SDK1: variants seen among roughly 807,000 people sequenced by gnomAD.
SDK1 encodes the protein protein sidekick-1.
A neutral mutation model predicts 245.5 loss-of-function variants in SDK1; 157 were observed. The observed-to-expected ratio is 0.64, with a 90% CI of 0.56 to 0.73. The LOEUF (loss-of-function observed/expected upper bound fraction) is 0.73. Ranked by LOEUF, SDK1 falls within the 30% of genes least tolerant of loss-of-function variation. The probability of loss-of-function intolerance (pLI) is 0.00; values close to 1 mark genes in which losing one functional copy is unlikely to be tolerated. For synonymous variants in SDK1, 1,647 were observed against 1,278.5 expected, an observed-to-expected ratio of 1.29 and a Z score of -6.15; for missense variants, 3,583 against 3,002.3, an observed-to-expected ratio of 1.19 and a Z score of -4.52.
intron 11 of SDK1, among the ~76,000 whole-genome samples, chr7:3,970,640 A>G (rs6462501): frequency 0.035 from 5,312 of 152,290 alleles, 333 homozygotes; most frequent in African/African-American, 0.12. Context: ...ATCTGCTGAG[A>G]TTCAACATTA....
At chr7:3,464,698 G>GTATATATATATATATATA (rs141577885) in intron 1 of SDK1, among the ~76,000 whole-genome samples, 25 of 148,100 alleles carry the variant, frequency 1.7e-4, no homozygotes, top group African/African-American at 6.3e-4. Flanking sequence ...GTGTATGTAT[G>GTATATATATATATATATA]TATATATATA....
At chr7:3,308,538 T>A (rs1244645021) in intron 1 of SDK1, among the ~76,000 whole-genome samples, 1 of 146,036 alleles carries the variant, frequency 6.8e-6, no homozygotes, top group African/African-American at 2.6e-5. Flanking sequence ...ATAGTCCAAT[T>A]TCTTGAAAAC....
chr7:3,906,689 A>C (rs1217530499), intron 5 of SDK1, among the ~76,000 whole-genome samples: 1 of 133,034 alleles, frequency 7.5e-6, no homozygotes, highest in Non-Finnish European at 1.5e-5. Context: ...GTGCAGTGGC[A>C]AGATCTCGGC....
intron 4 of SDK1, among the ~76,000 whole-genome samples, chr7:3,715,943 A>G (rs528195404): frequency 6.6e-6 from 1 of 152,322 alleles, no homozygotes; most frequent in Non-Finnish European, 1.5e-5. Context: ...TCAGCAAAGA[A>G]GAAGAAATTA....
At chr7:4,216,486 A>G (rs1258362669) in intron 38 of SDK1, among the ~76,000 whole-genome samples, 4 of 152,218 alleles carry the variant, frequency 2.6e-5, no homozygotes, top group Non-Finnish European at 5.9e-5. Flanking sequence ...TTGCATCAGG[A>G]TTCCCAACGG....
intron 28 of SDK1, among the ~76,000 whole-genome samples, chr7:4,145,352 G>A (rs888209410): frequency 1.3e-5 from 2 of 152,164 alleles, no homozygotes; most frequent in African/African-American, 2.4e-5. Flanking sequence ...AGAGAGCGAC[G>A]GGGAGAGCCA....
At chr7:4,120,158 T>G (rs748525006) in intron 25 of SDK1, among the ~76,000 whole-genome samples, 1 of 148,644 alleles carries the variant, frequency 6.7e-6, no homozygotes, top group Non-Finnish European at 1.5e-5. Context: ...GAATGAGATC[T>G]ACCACATAGC....
chr7:3,709,545 T>G (rs1784981465), intron 4 of SDK1, among the ~76,000 whole-genome samples: 1 of 152,236 alleles, frequency 6.6e-6, no homozygotes, highest in East Asian at 1.9e-4. Flanking sequence ...TGCAGCCTGC[T>G]GCTTCTTTCA....
At chr7:3,614,080 G>C (rs1013133489) in intron 1 of SDK1, among the ~76,000 whole-genome samples, 1 of 152,198 alleles carries the variant, frequency 6.6e-6, no homozygotes, top group South Asian at 2.1e-4. Flanking sequence ...CATAGCACAA[G>C]TTTACCTATG....
At chr7:3,530,898 G>T (rs1023831728) in intron 1 of SDK1, among the ~76,000 whole-genome samples, 3 of 152,132 alleles carry the variant, frequency 2.0e-5, no homozygotes, top group Non-Finnish European at 4.4e-5. Flanking sequence ...GTATCCATAG[G>T]TCAAGTCTAA....
At chr7:3,495,873 C>G (rs927836991) in intron 1 of SDK1, among the ~76,000 whole-genome samples, 1 of 152,216 alleles carries the variant, frequency 6.6e-6, no homozygotes, top group Non-Finnish European at 1.5e-5. Context: ...TGCCAGCGGT[C>G]TCCTGAGTTA....
chr7:3,578,806 C>T (rs1247651413), intron 1 of SDK1, among the ~76,000 whole-genome samples: 8 of 151,872 alleles, frequency 5.3e-5, no homozygotes, highest in Non-Finnish European at 1.2e-4. Context: ...CCTAAAATCG[C>T]TGTTATTCTG....
chr7:3,937,599 G>T (rs1214134857), intron 5 of SDK1, among the ~76,000 whole-genome samples: 1 of 152,190 alleles, frequency 6.6e-6, no homozygotes, highest in Non-Finnish European at 1.5e-5. Flanking sequence ...AAGAATCTTA[G>T]CCACTCTGCC....
chr7:3,405,905 C>G (rs571760097), intron 1 of SDK1, among the ~76,000 whole-genome samples: 5 of 151,382 alleles, frequency 3.3e-5, no homozygotes, highest in East Asian at 3.9e-4. Context: ...CTCTGCCTCC[C>G]AGGTTCAAGT....
At chr7:3,944,287 CTA>C (rs1272130350) in intron 5 of SDK1, among the ~76,000 whole-genome samples, 1 of 152,200 alleles carries the variant, frequency 6.6e-6, no homozygotes. Flanking sequence ...TGGGTTGTCA[CTA>C]TATTAAATGG....
intron 40 of SDK1, among the ~76,000 whole-genome samples, chr7:4,227,920 C>T (rs530410375): frequency 1.3e-5 from 2 of 152,238 alleles, no homozygotes; most frequent in Non-Finnish European, 2.9e-5. Context: ...TAACAGCTGA[C>T]TCATTCTGTC....
intron 1 of SDK1, among the ~76,000 whole-genome samples, chr7:3,523,943 T>C (rs550180487): frequency 6.6e-6 from 1 of 152,310 alleles, no homozygotes; most frequent in Admixed American, 6.5e-5. Context: ...ACTTGATGTC[T>C]GTACATTCTC....
At chr7:3,763,087 C>G (rs1307015106) in intron 4 of SDK1, among the ~76,000 whole-genome samples, 1 of 152,102 alleles carries the variant, frequency 6.6e-6, no homozygotes, top group African/African-American at 2.4e-5. Context: ...TTTGACACTT[C>G]ACTTAAAAAT....
At chr7:3,478,428 G>C (rs892330348) in intron 1 of SDK1, among the ~76,000 whole-genome samples, 3 of 151,890 alleles carry the variant, frequency 2.0e-5, no homozygotes, top group Non-Finnish European at 4.4e-5. Context: ...GAAAATTTTT[G>C]AGAACATAAC....
Sources: allele counts gnomAD v4.1 joint callset (sites outside exome capture counted in the v4.1 genomes callset), GRCh38; gene constraint gnomAD v4.1.1; transcripts MANE v1.5; gene names NCBI Gene and HGNC (gene_info 2026-07-23, HGNC 2026-07-21).